Variants in CD81 observed in about 807,000 individuals in gnomAD.
CD81 encodes the protein CD81 antigen.
A neutral mutation model predicts 30.1 loss-of-function variants in CD81; 10 were observed. The ratio of observed to expected loss-of-function variants is 0.33; its 90% CI spans 0.21 to 0.56. The LOEUF (loss-of-function observed/expected upper bound fraction) is 0.56. CD81 is among the 20% of genes least tolerant of loss of function. CD81 has a pLI of 0.89. For synonymous variants in CD81, 147 were observed against 126.4 expected (o/e 1.16, Z -1.10); for missense variants, 263 against 308.7 (o/e 0.85, Z 1.11).
intron 1 of CD81, among the ~76,000 whole-genome samples, chr11:2,384,346 G>T (rs1213460664): frequency 7.0e-6 from 1 of 143,016 alleles, no homozygotes. Context: ...GGGGCGTCTC[G>T]GGAGGTGGGG....
chr11:2,388,571 G>A (rs1849839187), intron 1 of CD81, among the ~76,000 whole-genome samples: 2 of 152,218 alleles, frequency 1.3e-5, no homozygotes, highest in Admixed American at 6.5e-5. Flanking sequence ...CCCTGCATCT[G>A]TGGTGGGGTC....
chr11:2,394,224 C>A (rs561543374), intron 3 of CD81, 32 bp downstream of exon 3: 22 of 1,469,012 alleles, frequency 1.5e-5, no homozygotes, highest in Non-Finnish European at 2.1e-5. Context: ...GTGCCTGGGC[C>A]GGGGAGGGGC....
At chr11:2,394,864 C>T (rs888447033) in intron 3 of CD81, 108 bp from the exon 4 acceptor site, 2 of 1,002,132 alleles carry the variant, frequency 2.0e-6, no homozygotes, top group East Asian at 2.4e-5. Context: ...GGGCTGGTGG[C>T]TCCCACTAGC....
intron 2 of CD81, chr11:2,393,324 C>T (rs1794036424): frequency 6.5e-6 from 1 of 154,696 alleles, no homozygotes; most frequent in African/African-American, 2.4e-5. Context: ...AGTGCGCCCC[C>T]CACCCTTGGA....
chr11:2,377,687 G>A lies in CD81; in HGVS notation c.66+72G>A. 1.9e-6 allele frequency: 2 copies of A among 1,037,196 alleles called. No homozygotes were observed. The highest frequency in any genetic ancestry group is 1.4e-6 in the Non-Finnish European group (1 of 739,290). 64.2% of individuals were successfully genotyped at this position (1,037,196 alleles called of 1,614,324 possible). ...TCCACGTTGGGCAGGTCCCGCGGCA[G>A]CGTGCTAGGCCCCGCGGGCGCAGCG... On this transcript the variant is annotated intron_variant, in intron 1 of 7. Transcript: ENST00000263645. The surrounding 1 kb of genome is among the most constrained non-coding windows in gnomAD (Gnocchi z 7.7).
At chr11:2,386,339 G>A (rs573733044) in intron 1 of CD81, 159 of 622,082 alleles carry the variant, frequency 2.6e-4, no homozygotes, top group Non-Finnish European at 3.7e-4. Context: ...CTTTCGGAGA[G>A]CAGGTGTCTT....
chr11:2,382,819 A>T (rs1423442091), intron 1 of CD81, among the ~76,000 whole-genome samples: 1 of 152,116 alleles, frequency 6.6e-6, no homozygotes, highest in Non-Finnish European at 1.5e-5. Flanking sequence ...ACCCAGGCCG[A>T]TGGGGGCCCA....
intron 2 of CD81, chr11:2,393,524 C>G (rs114564113): frequency 7.6e-6 from 2 of 261,810 alleles, no homozygotes; most frequent in Admixed American, 9.8e-5. Flanking sequence ...GGTCCCGTAA[C>G]GGAAGTGCTG....
intron 1 of CD81, among the ~76,000 whole-genome samples, chr11:2,383,658 G>T (rs1027135064): frequency 6.6e-6 from 1 of 152,228 alleles, no homozygotes; most frequent in African/African-American, 2.4e-5. Flanking sequence ...CAGGCACAGA[G>T]CCCGCAGCGT....
chr11:2,393,544 C>T (rs1041852629), intron 2 of CD81: 1 of 334,802 alleles, frequency 3.0e-6, no homozygotes, highest in Non-Finnish European at 5.6e-6. Flanking sequence ...GCTGTGCAGC[C>T]CAGATTGGGG....
Position 2,395,530 on chromosome 11 carries a change from CG to C in CD81, c.459+16del, listed in dbSNP as rs765524204. Reference sequence around the variant, plus strand: ...GACCTTCCACGAGACGGTGCGGCCCCGGGGGGCGAGGGCGGGGAGCAGGGCC... The same window carrying C: ...GACCTTCCACGAGACGGTGCGGCCCCGGGGGCGAGGGCGGGGAGCAGGGCC... On this transcript the variant is annotated intron_variant, in intron 5 of 7. Coordinates refer to ENST00000263645, the MANE Select transcript of CD81 (RefSeq NM_004356.4). 5.6e-6 allele frequency: 9 copies of C among 1,608,552 alleles called. No individual in the cohort carries two copies. The highest frequency in any genetic ancestry group is 1.7e-5 in the Admixed American group (1 of 59,972).
intron 1 of CD81, among the ~76,000 whole-genome samples, chr11:2,388,578 G>T (rs1849839221): frequency 6.6e-6 from 1 of 152,214 alleles, no homozygotes; most frequent in Non-Finnish European, 1.5e-5. Context: ...TCTGTGGTGG[G>T]GTCGGCGCCT....
chr11:2,379,138 G>A (rs1201697602), intron 1 of CD81: 1 of 455,868 alleles, frequency 2.2e-6, no homozygotes, highest in Non-Finnish European at 4.4e-6. Context: ...CTTCAGCCCA[G>A]GCATGTGGGA....
At chr11:2,392,912 A>T (rs2133459919) in intron 2 of CD81, 2 of 152,316 alleles carry the variant, frequency 1.3e-5, no homozygotes, top group East Asian at 3.9e-4. Flanking sequence ...TGTACCCCGG[A>T]GTGAACCCAA....
intron 2 of CD81, chr11:2,391,033 G>C (rs1849890243): frequency 8.1e-6 from 2 of 247,864 alleles, no homozygotes; most frequent in Admixed American, 5.1e-5. Context: ...TTATTAGGCT[G>C]CGTGTGGGGG....
chr11:2,393,242 TGA>T (rs2133460368), intron 2 of CD81: 1 of 152,340 alleles, frequency 6.6e-6, no homozygotes, highest in South Asian at 2.1e-4. Flanking sequence ...GGGCAGGCAG[TGA>T]GAGACACTGA....
chr11:2,396,563 G>C, intron 6 of CD81, 65 bp from the exon 7 acceptor site: 1 of 1,340,606 alleles, frequency 7.5e-7, no homozygotes, highest in East Asian at 2.3e-5. Context: ...GGATTACTGC[G>C]TGACAACGGG....
chr11:2,377,417 G>A lies in CD81; in HGVS notation c.-133G>A, dbSNP rs1482167848. The stretch of plus-strand genomic sequence containing the variant: ...CGCGCCCCCGCGCCCCCGCGCCCCC[G>A]CGCCCCTTTCTTCGCGCCCCCGCCC... On this transcript the variant is annotated 5_prime_UTR_variant, in exon 1 of 8. Transcript: ENST00000263645. This position sits in a 1 kb window ranked among gnomAD's most constrained non-coding sequence, Gnocchi z 7.7. 1 of 78,176 alleles carries A rather than the reference G, an allele frequency of 1.3e-5. No individual in the cohort carries two copies. Among genetic ancestry groups the A allele is most frequent in the Non-Finnish European group, 2.7e-5 (1 of 36,630 alleles). 4.8% of individuals were successfully genotyped at this position (78,176 alleles called of 1,614,324 possible).
At position 2,386,007 on chromosome 11, in the gene CD81, G is replaced by A. The variant is rs1256767681; in HGVS notation, c.67-4405G>A. The A allele has an allele frequency of 1.5e-5, 11 of 713,608 alleles. 1 individual carries two copies. In the Admixed American group the frequency reaches 2.0e-4, roughly 13 times the overall value. 44.2% of individuals were successfully genotyped at this position (713,608 alleles called of 1,614,324 possible). On this transcript the variant is annotated intron_variant, in intron 1 of 7. Coordinates refer to ENST00000263645, the MANE Select transcript of CD81 (RefSeq NM_004356.4). ...AACTGCCAAACTGTTATTCAAGGTG[G>A]CTGGACCGTTTTACAGCCCCCGTTG...
Sources: gnomAD v4.1 joint callset for allele counts (sites outside exome capture counted in the v4.1 genomes callset) on GRCh38, gnomAD v4.1.1 for gene constraint, Gnocchi (gnomAD v3.1) non-coding constraint, MANE v1.5 for transcripts, NCBI Gene and HGNC (gene_info 2026-07-23, HGNC 2026-07-21) for gene names.